DAB1: variants seen among roughly 807,000 people sequenced by gnomAD.
DAB1 encodes the protein disabled homolog 1.
Under a neutral mutation model 64.6 loss-of-function variants are expected in DAB1, and 15 were observed. The ratio of observed to expected loss-of-function variants is 0.23; its 90% CI spans 0.16 to 0.36. The LOEUF (loss-of-function observed/expected upper bound fraction) is 0.36, where lower values mean the gene tolerates loss of function less well. Among genes scored for constraint, DAB1 ranks in the 10% least tolerant of loss-of-function variants. The pLI, the probability that DAB1 is intolerant of heterozygous loss-of-function variation, is 1.00. For synonymous variants in DAB1, 235 were observed against 251.9 expected, an observed-to-expected ratio of 0.93 and a Z score of 0.64; for missense variants, 596 against 706.7, an observed-to-expected ratio of 0.84 and a Z score of 1.78.
intron 6 of DAB1, among the ~76,000 whole-genome samples, chr1:57,715,679 C>T (rs964528132): frequency 7.2e-5 from 11 of 151,896 alleles, no homozygotes; most frequent in African/African-American, 2.7e-4. Flanking sequence ...GAAAAGCAAT[C>T]CCATTTATAA....
intron 4 of DAB1, among the ~76,000 whole-genome samples, chr1:58,318,012 G>T (rs952927854): frequency 1.3e-5 from 2 of 152,116 alleles, no homozygotes; most frequent in Non-Finnish European, 2.9e-5. Context: ...ATAAATATTT[G>T]CCCTTGAGCT....
chr1:58,297,926 G>A (rs1301337684), intron 4 of DAB1, among the ~76,000 whole-genome samples: 1 of 152,164 alleles, frequency 6.6e-6, no homozygotes, highest in African/African-American at 2.4e-5. Flanking sequence ...TGTCTATAGT[G>A]GGAGATTGGG....
chr1:58,390,844 G>T (rs992810536), intron 3 of DAB1, among the ~76,000 whole-genome samples: 1 of 152,130 alleles, frequency 6.6e-6, no homozygotes, highest in Non-Finnish European at 1.5e-5. Flanking sequence ...CACGCAGGTG[G>T]TGAGTCTAAT....
chr1:58,524,693 G>A (rs913814194), intron 2 of DAB1, among the ~76,000 whole-genome samples: 3 of 152,172 alleles, frequency 2.0e-5, no homozygotes, highest in African/African-American at 7.2e-5. Context: ...TCAATCTACA[G>A]TATATATCAA....
At chr1:57,003,913 C>T (rs1645965177) in intron 14 of DAB1, among the ~76,000 whole-genome samples, 1 of 152,190 alleles carries the variant, frequency 6.6e-6, no homozygotes, top group Non-Finnish European at 1.5e-5. Context: ...TCTCAGTCAA[C>T]TCCCTATCTC....
chr1:57,887,073 AC>A (rs1644234648), upstream of DAB1, among the ~76,000 whole-genome samples: 1 of 152,030 alleles, frequency 6.6e-6, no homozygotes, highest in Admixed American at 6.6e-5. Flanking sequence ...GCCTCCTCCC[AC>A]CCTCACACAT....
intron 1 of DAB1, among the ~76,000 whole-genome samples, chr1:57,326,425 G>C (rs1016221469): frequency 2.6e-5 from 4 of 152,052 alleles, no homozygotes; most frequent in African/African-American, 9.7e-5. Context: ...TGATTCTACG[G>C]ACAGGTGACT....
intron 9 of DAB1, among the ~76,000 whole-genome samples, chr1:57,057,869 A>G (rs886562493): frequency 2.6e-5 from 4 of 151,948 alleles, no homozygotes; most frequent in African/African-American, 9.7e-5. Flanking sequence ...TGGCCTCCCA[A>G]AGTGCTGGGA....
intron 7 of DAB1, among the ~76,000 whole-genome samples, chr1:57,515,166 A>G (rs1049745816): frequency 6.6e-6 from 1 of 152,228 alleles, no homozygotes; most frequent in Non-Finnish European, 1.5e-5. Flanking sequence ...AAAAACAGCT[A>G]AAGCCAAACC....
intron 1 of DAB1, among the ~76,000 whole-genome samples, chr1:57,359,815 T>C (rs961495888): frequency 6.6e-6 from 1 of 152,088 alleles, no homozygotes; most frequent in African/African-American, 2.4e-5. Flanking sequence ...GACATCATGT[T>C]AAGTGAAATA....
intron 5 of DAB1, among the ~76,000 whole-genome samples, chr1:58,001,858 A>G (rs1372983265): frequency 6.6e-6 from 1 of 152,170 alleles, no homozygotes; most frequent in African/African-American, 2.4e-5. Context: ...ATTACCCTGG[A>G]TTATCCAGGT....
intron 5 of DAB1, among the ~76,000 whole-genome samples, chr1:57,915,566 T>C (rs1355957267): frequency 6.7e-6 from 1 of 149,794 alleles, no homozygotes; most frequent in Admixed American, 6.6e-5. Context: ...TTGCTTTCAA[T>C]TCCCCCCCAG....
chr1:57,695,389 A>AAAGGAAAG (rs1646827516), intron 6 of DAB1, among the ~76,000 whole-genome samples: 1 of 74,670 alleles, frequency 1.3e-5, no homozygotes, highest in South Asian at 4.3e-4. Context: ...AGAAAGAAAG[A>AAAGGAAAG]AAGAAAGAAA....
At chr1:57,827,022 G>A (rs989228542) in intron 1 of DAB1, among the ~76,000 whole-genome samples, 8 of 152,186 alleles carry the variant, frequency 5.3e-5, no homozygotes, top group African/African-American at 9.7e-5. Flanking sequence ...TTGATTTTAC[G>A]GTTGGGAAGG....
rs558009449 is a variant in DAB1, at chr1:57,046,177, G to T, written c.723+16707C>A. On this transcript the variant is annotated intron_variant, in intron 9 of 14. Coordinates refer to ENST00000371236, the MANE Select transcript of DAB1 (RefSeq NM_001365792.1). ...ACAAAAGCAGATCTATCGAATTGGG[G>T]CTAAGGAAGTTGTGTTTTTAAAAGT... is the stretch of plus-strand genomic sequence containing the variant. Among the ~76,000 whole-genome samples the T allele has an allele frequency of 2.0e-5, 3 of 152,294 alleles. No homozygotes were observed. The South Asian group carries it at 6.2e-4, about 32-fold the overall frequency.
chr1:57,697,327 C>T (rs2101725104), intron 6 of DAB1, among the ~76,000 whole-genome samples: 1 of 146,554 alleles, frequency 6.8e-6, no homozygotes, highest in Admixed American at 7.1e-5. Flanking sequence ...ATAATTGTTG[C>T]TAATGTGCTT....
intron 6 of DAB1, among the ~76,000 whole-genome samples, chr1:57,688,765 C>G (rs1646729910): frequency 6.6e-6 from 1 of 152,124 alleles, no homozygotes; most frequent in African/African-American, 2.4e-5. Flanking sequence ...TCCTTTGCAG[C>G]AACATAGATG....
At chr1:57,064,795 C>T (rs1218108467) in intron 8 of DAB1, among the ~76,000 whole-genome samples, 1 of 152,208 alleles carries the variant, frequency 6.6e-6, no homozygotes, top group African/African-American at 2.4e-5. Flanking sequence ...GTCAGTGGTA[C>T]ACTTCCAGAG....
chr1:57,057,237 T>G (rs1014134179), intron 9 of DAB1, among the ~76,000 whole-genome samples: 1 of 152,184 alleles, frequency 6.6e-6, no homozygotes, highest in South Asian at 2.1e-4. Context: ...GAAAGTGTAT[T>G]TTATATTTCA....
Sources: allele counts gnomAD v4.1 joint callset (sites outside exome capture counted in the v4.1 genomes callset), GRCh38; gene constraint gnomAD v4.1.1; transcripts MANE v1.5; gene names NCBI Gene and HGNC (gene_info 2026-07-23, HGNC 2026-07-21).